LHFPL3: variants seen among roughly 807,000 people sequenced by gnomAD.
The protein encoded by LHFPL3 is LHFPL tetraspan subfamily member 3, also known as LHFPL tetraspan subfamily member 3 protein.
Under a neutral mutation model 19.3 loss-of-function variants are expected in LHFPL3, and 5 were observed. The observed-to-expected ratio is 0.26, with a 90% CI of 0.14 to 0.54. The LOEUF (loss-of-function observed/expected upper bound fraction) is 0.54. Among genes scored for constraint, LHFPL3 ranks in the 20% least tolerant of loss-of-function variants. The pLI, the probability that LHFPL3 is intolerant of heterozygous loss-of-function variation, is 0.94. For missense variants in LHFPL3, 249 were observed against 307.4 expected (o/e 0.81, Z 1.42); for synonymous variants, 133 against 126.2 (o/e 1.05, Z -0.36).
At chr7:104,509,319 T>C (rs1246950556) in intron 1 of LHFPL3, among the ~76,000 whole-genome samples, 1 of 151,284 alleles carries the variant, frequency 6.6e-6, no homozygotes, top group African/African-American at 2.4e-5. Context: ...TTCTCATGAA[T>C]ATCAACTCAA....
chr7:104,714,895 C>A (rs1481721460), intron 1 of LHFPL3, among the ~76,000 whole-genome samples: 1 of 152,106 alleles, frequency 6.6e-6, no homozygotes, highest in East Asian at 1.9e-4. Flanking sequence ...TGCGCATGCA[C>A]ACATGTGTAC....
intron 1 of LHFPL3, among the ~76,000 whole-genome samples, chr7:104,409,517 C>T (rs1214060888): frequency 6.6e-6 from 1 of 151,930 alleles, no homozygotes; most frequent in African/African-American, 2.4e-5. Flanking sequence ...TCAGGAGGCT[C>T]AAACAGGAGG....
intron 1 of LHFPL3, among the ~76,000 whole-genome samples, chr7:104,377,646 C>T (rs570350333): frequency 6.6e-6 from 1 of 152,274 alleles, no homozygotes; most frequent in Non-Finnish European, 1.5e-5. Context: ...GGAGCTGGCT[C>T]AATTAATGTA....
chr7:104,870,264 AC>A (rs765978808), intron 2 of LHFPL3, among the ~76,000 whole-genome samples: 1 of 152,198 alleles, frequency 6.6e-6, no homozygotes, highest in Non-Finnish European at 1.5e-5. Flanking sequence ...AAACTTCTGT[AC>A]AAAAGACAGC....
intron 1 of LHFPL3, among the ~76,000 whole-genome samples, chr7:104,367,226 A>C (rs1292804798): frequency 6.6e-6 from 1 of 152,200 alleles, no homozygotes; most frequent in Non-Finnish European, 1.5e-5. Context: ...AGGTTCTATA[A>C]AGTTTCTACC....
At chr7:104,368,091 G>C (rs1028882239) in intron 1 of LHFPL3, among the ~76,000 whole-genome samples, 1 of 152,208 alleles carries the variant, frequency 6.6e-6, no homozygotes, top group Non-Finnish European at 1.5e-5. Context: ...GAAGTATTGA[G>C]TGAAGCTGTC....
chr7:104,676,347 A>C (rs930637268), intron 1 of LHFPL3, among the ~76,000 whole-genome samples: 1 of 152,246 alleles, frequency 6.6e-6, no homozygotes, highest in African/African-American at 2.4e-5. Flanking sequence ...AGGCCTATAC[A>C]TATGAACAAG....
chr7:104,645,923 G>A (rs991949808), intron 1 of LHFPL3, among the ~76,000 whole-genome samples: 1 of 152,058 alleles, frequency 6.6e-6, no homozygotes, highest in Admixed American at 6.6e-5. Flanking sequence ...GCCTCCCAAA[G>A]TGCTGGATTG....
chr7:104,405,238 T>A (rs975931097), intron 1 of LHFPL3, among the ~76,000 whole-genome samples: 21 of 152,324 alleles, frequency 1.4e-4, no homozygotes, highest in African/African-American at 4.8e-4. Context: ...AATTATAGAC[T>A]GAAGTAAAAA....
chr7:104,620,391 T>C (rs1269810290), intron 1 of LHFPL3, among the ~76,000 whole-genome samples: 2 of 152,232 alleles, frequency 1.3e-5, no homozygotes, highest in African/African-American at 2.4e-5. Flanking sequence ...CTTTTGGCTA[T>C]ATAGGTTGTT....
chr7:104,360,289 G>T (rs1346903851), intron 1 of LHFPL3, among the ~76,000 whole-genome samples: 1 of 152,138 alleles, frequency 6.6e-6, no homozygotes, highest in Non-Finnish European at 1.5e-5. Flanking sequence ...GCGTTCCAAT[G>T]TATCATGTTC....
At chr7:104,479,584 G>A (rs916557837) in intron 1 of LHFPL3, among the ~76,000 whole-genome samples, 10 of 152,074 alleles carry the variant, frequency 6.6e-5, no homozygotes, top group East Asian at 3.8e-4. Context: ...TAGAGACGGC[G>A]TTTCACCATG....
At chr7:104,420,564 T>C (rs1225506158) in intron 1 of LHFPL3, among the ~76,000 whole-genome samples, 16 of 144,958 alleles carry the variant, frequency 1.1e-4, no homozygotes, top group East Asian at 8.2e-4. Context: ...ATTTTTTTTT[T>C]TTTTTTTTTT....
intron 1 of LHFPL3, among the ~76,000 whole-genome samples, chr7:104,366,112 G>A (rs551578958): frequency 3.3e-5 from 5 of 152,306 alleles, no homozygotes; most frequent in East Asian, 1.9e-4. Context: ...GAAGTTTCCT[G>A]TGGTCTCTTG....
chr7:104,871,500 T>C (rs1054664708), intron 2 of LHFPL3, among the ~76,000 whole-genome samples: 9 of 152,308 alleles, frequency 5.9e-5, no homozygotes, highest in Non-Finnish European at 1.2e-4. Context: ...GCACTTAGGC[T>C]ACACTAAATT....
intron 2 of LHFPL3, among the ~76,000 whole-genome samples, chr7:104,834,025 G>T (rs2116569605): frequency 6.7e-6 from 1 of 150,002 alleles, no homozygotes; most frequent in East Asian, 2.0e-4. Flanking sequence ...ATGTTTGAGG[G>T]CAGGAAGCAT....
At chr7:104,359,376 T>C (rs1447561144) in intron 1 of LHFPL3, among the ~76,000 whole-genome samples, 1 of 152,236 alleles carries the variant, frequency 6.6e-6, no homozygotes, top group Non-Finnish European at 1.5e-5. Context: ...TTTAAAATTA[T>C]TATATACTAT....
chr7:104,824,155 A>AAT (rs1554348050), intron 2 of LHFPL3, among the ~76,000 whole-genome samples: 13 of 12,008 alleles, frequency 1.1e-3, no homozygotes, highest in African/African-American at 3.7e-3. Flanking sequence ...TTTCAAAAAA[A>AAT]ATATATATAT....
chr7:104,622,652 C>G (rs1584445491), intron 1 of LHFPL3, among the ~76,000 whole-genome samples: 1 of 152,296 alleles, frequency 6.6e-6, no homozygotes, highest in East Asian at 1.9e-4. Context: ...GTCTGTCTGT[C>G]TCTATGGATT....
Sources: allele counts gnomAD v4.1 joint callset (sites outside exome capture counted in the v4.1 genomes callset), GRCh38; gene constraint gnomAD v4.1.1; transcripts MANE v1.5; gene names NCBI Gene and HGNC (gene_info 2026-07-23, HGNC 2026-07-21).